The following NCS1 variants were observed in gnomAD, a reference collection of about 807,000 sequenced individuals.
NCS1 encodes neuronal calcium sensor 1, also known as frequenin homolog.
NCS1 carries 6 observed loss-of-function variants against 28.4 expected under a neutral mutation model. The observed-to-expected ratio is 0.21, with a 90% CI of 0.12 to 0.42. The LOEUF is 0.42. Among genes scored for constraint, NCS1 ranks in the 10% least tolerant of loss-of-function variants. NCS1 has a pLI of 1.00. For missense variants in NCS1, 131 were observed against 241.4 expected (o/e 0.54, Z 3.03); for synonymous variants, 86 against 99.3 (o/e 0.87, Z 0.79).
rs549010516 is a variant in NCS1, at chr9:130,201,155, G to A, written c.89+173G>A. ...TGGCCTTTGTCCTTGCGGGACTGAC[G>A]TGGTTTCAGTGGAACTGGGTTGGGG... On this transcript the variant is annotated intron_variant, in intron 2 of 7. Coordinates refer to ENST00000372398, the MANE Select transcript of NCS1 (RefSeq NM_014286.4). Among the ~76,000 whole-genome samples, 8 of 152,300 alleles carry A rather than the reference G, an allele frequency of 5.3e-5. No homozygotes were observed. The South Asian group carries it at 8.3e-4, about 16-fold the overall frequency.
chr9:130,215,791 TG>T lies in NCS1; in HGVS notation c.90-2037del, dbSNP rs1221207955. ...TGGCACCCTTCAAGGTGTTCTGGGG[TG>T]GGGACAGGGAAAGGTGCAGAGGGCT... On this transcript the variant is annotated intron_variant, in intron 2 of 7. Transcript: ENST00000372398. The surrounding 1 kb of genome is among the most constrained non-coding windows in gnomAD (Gnocchi z 4.2). Among the ~76,000 whole-genome samples, 1 of 152,088 alleles carries T rather than the reference TG, an allele frequency of 6.6e-6. No homozygotes were observed. Among genetic ancestry groups the T allele is most frequent in the South Asian group, 2.1e-4 (1 of 4,808 alleles).
chr9:130,226,311 G>A lies in NCS1; in HGVS notation c.475-78G>A. 1 of 1,272,720 alleles carries A rather than the reference G, an allele frequency of 7.9e-7. No individual in the cohort carries two copies. 78.8% of individuals were successfully genotyped at this position (1,272,720 alleles called of 1,614,324 possible). A position where few individuals can be genotyped will look rare whatever the true frequency, so the allele number is the denominator to read the frequency against. On this transcript the variant is annotated intron_variant, in intron 6 of 7. Coordinates refer to ENST00000372398, the MANE Select transcript of NCS1 (RefSeq NM_014286.4). This position sits in a 1 kb window ranked among gnomAD's most constrained non-coding sequence, Gnocchi z 4.8. ...GATCTAACCTTGGAAGGGCTCTTGG[G>A]ACCGGCCCTGGGCTGGGCTTGTCTA...
chr9:130,200,447 C>T, intron 1 of NCS1: 1 of 836,410 alleles, frequency 1.2e-6, no homozygotes, highest in Middle Eastern at 3.4e-4. Flanking sequence ...CAGAGAGGGG[C>T]TGCAGGGACA....
At chr9:130,229,091 T>TA (rs1185086810) in intron 7 of NCS1, among the ~76,000 whole-genome samples, 2 of 151,810 alleles carry the variant, frequency 1.3e-5, no homozygotes, top group South Asian at 2.1e-4. Flanking sequence ...AAGTTTATTT[T>TA]AAAAAAAACC....
intron 2 of NCS1, 141 bp from the exon 3 acceptor site, chr9:130,217,691 A>T: frequency 3.2e-6 from 4 of 1,245,524 alleles, no homozygotes; most frequent in Non-Finnish European, 4.7e-6. Context: ...GCCTGTGCCT[A>T]TCAAGTCCAT....
chr9:130,187,222 CAG>C (rs1832749154), intron 1 of NCS1, among the ~76,000 whole-genome samples: 1 of 152,186 alleles, frequency 6.6e-6, no homozygotes, highest in South Asian at 2.1e-4. Flanking sequence ...CAGTCAAGGT[CAG>C]GGTCCGGCCT....
At chr9:130,202,978 G>T (rs893136746) in intron 2 of NCS1, among the ~76,000 whole-genome samples, 1 of 151,952 alleles carries the variant, frequency 6.6e-6, no homozygotes, top group Non-Finnish European at 1.5e-5. Flanking sequence ...CAGTTGGGAG[G>T]TGGCAGGGTT....
intron 2 of NCS1, among the ~76,000 whole-genome samples, chr9:130,201,727 C>G (rs1428306804): frequency 6.6e-6 from 1 of 152,144 alleles, no homozygotes; most frequent in East Asian, 1.9e-4. Flanking sequence ...GGGCCACTCC[C>G]TACACCTCCC....
At chr9:130,224,391 CAAA>C (rs71387332) in intron 6 of NCS1, among the ~76,000 whole-genome samples, 3 of 96,476 alleles carry the variant, frequency 3.1e-5, no homozygotes, top group Non-Finnish European at 2.1e-5. Context: ...GACGCAGTCT[CAAA>C]AAAAAAAAAA....
At chr9:130,197,634 G>A (rs1346101577) in intron 1 of NCS1, among the ~76,000 whole-genome samples, 1 of 152,154 alleles carries the variant, frequency 6.6e-6, no homozygotes, top group Non-Finnish European at 1.5e-5. Context: ...AGGTGGCCAG[G>A]ACCCCAGAGA....
Position 130,209,608 on chromosome 9 carries a change from T to A in NCS1, c.90-8224T>A, listed in dbSNP as rs1303356794. The stretch of plus-strand genomic sequence containing the variant: ...GGAGTCTCCTGGTGGACGAGGGCAT[T>A]CACCCAGCCTGGCGCCGTGTTGGGG... On this transcript the variant is annotated intron_variant, in intron 2 of 7. Transcript: ENST00000372398. The surrounding 1 kb of genome is among the most constrained non-coding windows in gnomAD (Gnocchi z 4.4). Among the ~76,000 whole-genome samples the A allele has an allele frequency of 1.3e-5, 2 of 152,106 alleles. No homozygotes were observed. Among genetic ancestry groups the A allele is most frequent in the Non-Finnish European group, 2.9e-5 (2 of 68,008 alleles).
chr9:130,196,863 C>T (rs1315022803), intron 1 of NCS1, among the ~76,000 whole-genome samples: 1 of 152,238 alleles, frequency 6.6e-6, no homozygotes, highest in Non-Finnish European at 1.5e-5. Context: ...CCAGCGACAG[C>T]CATGATAACA....
In NCS1 at chr9:130,215,813, G is replaced by T. The variant is rs1833175291; in HGVS notation, c.90-2019G>T. ...GGGTGGGGACAGGGAAAGGTGCAGA[G>T]GGCTGGCCTATTCACAGCCTCCTGC... On this transcript the variant is annotated intron_variant, in intron 2 of 7. Transcript: ENST00000372398. This position sits in a 1 kb window ranked among gnomAD's most constrained non-coding sequence, Gnocchi z 4.2. Among the ~76,000 whole-genome samples, 2 of 152,182 alleles carry T rather than the reference G, an allele frequency of 1.3e-5. No homozygotes were observed. Among genetic ancestry groups the T allele is most frequent in the African/African-American group, 4.8e-5 (2 of 41,450 alleles).
intron 1 of NCS1, among the ~76,000 whole-genome samples, chr9:130,183,008 G>T (rs1554905280): frequency 2.6e-5 from 4 of 152,252 alleles, no homozygotes; most frequent in Non-Finnish European, 4.4e-5. Context: ...TGTCTGTGGG[G>T]TGTGTGGCCC....
Position 130,191,341 on chromosome 9 carries a change from C to A in NCS1, c.65-9617C>A, listed in dbSNP as rs1281706818. 2.0e-5 allele frequency among the ~76,000 whole-genome samples: 3 copies of A among 152,090 alleles called. No individual in the cohort carries two copies. The highest frequency in any genetic ancestry group is 4.4e-5 in the Non-Finnish European group (3 of 68,002). The stretch of plus-strand genomic sequence containing the variant: ...TGGGGCTGAAGGTTACCTGGCCTGG[C>A]CCGAGTCTGCCCTCCGGGGCCAGGG... On this transcript the variant is annotated intron_variant, in intron 1 of 7. Transcript: ENST00000372398. This position sits in a 1 kb window ranked among gnomAD's most constrained non-coding sequence, Gnocchi z 6.4.
intron 2 of NCS1, among the ~76,000 whole-genome samples, chr9:130,206,848 G>A (rs888945030): frequency 6.6e-6 from 1 of 151,260 alleles, no homozygotes; most frequent in Non-Finnish European, 1.5e-5. Context: ...GCCATCCGGG[G>A]TGGGAGCGGC....
At chr9:130,207,271 C>T (rs1554908218) in intron 2 of NCS1, among the ~76,000 whole-genome samples, 1 of 152,326 alleles carries the variant, frequency 6.6e-6, no homozygotes, top group African/African-American at 2.4e-5. Context: ...TGTGACTTCC[C>T]GCTGCACTTA....
intron 4 of NCS1, among the ~76,000 whole-genome samples, chr9:130,222,128 G>GACACA (rs1833336949): frequency 7.4e-6 from 1 of 134,236 alleles, no homozygotes; most frequent in East Asian, 2.3e-4. Context: ...ATATATATGT[G>GACACA]TATATATATA....
chr9:130,210,999 C>T lies in NCS1; in HGVS notation c.90-6833C>T, dbSNP rs570465145. Among the ~76,000 whole-genome samples the T allele has an allele frequency of 1.1e-4, 15 of 140,584 alleles. No homozygotes were observed. The South Asian group carries it at 2.1e-3, about 20-fold the overall frequency. The allele number at this position is 140,584 out of a possible 152,430, so 92.2% of individuals were successfully genotyped here. A position where few individuals can be genotyped will look rare whatever the true frequency, so the allele number is the denominator to read the frequency against. On this transcript the variant is annotated intron_variant, in intron 2 of 7. Transcript: ENST00000372398. ...GAGGACAAACACAAGCCACTGTGCC[C>T]GGCTCCACTAATTTTTTTTTTTTTT...
Sources: gnomAD v4.1 joint callset for allele counts (sites outside exome capture counted in the v4.1 genomes callset) on GRCh38, gnomAD v4.1.1 for gene constraint, Gnocchi (gnomAD v3.1) non-coding constraint, MANE v1.5 for transcripts, NCBI Gene and HGNC (gene_info 2026-07-23, HGNC 2026-07-21) for gene names.